The following FSIP1 variants were observed in gnomAD, a reference collection of about 807,000 sequenced individuals.
The protein encoded by FSIP1 is fibrous sheath interacting protein 1, also known as fibrous sheath-interacting protein 1.
A neutral mutation model predicts 60.9 loss-of-function variants in FSIP1; 65 were observed. The observed-to-expected ratio is 1.07, with a 90% CI of 0.87 to 1.31. The LOEUF (loss-of-function observed/expected upper bound fraction) is 1.31, where lower values mean the gene tolerates loss of function less well. Ranked by LOEUF, FSIP1 falls within the 40% of genes most tolerant of loss-of-function variation. FSIP1 has a pLI of 0.00. For missense variants in FSIP1, 675 were observed against 665.5 expected (o/e 1.01, Z -0.16); for synonymous variants, 209 against 221.2 (o/e 0.94, Z 0.49).
chr15:39,723,624 T>C (rs8024166), intron 9 of FSIP1, among the ~76,000 whole-genome samples: 12,284 of 152,288 alleles, frequency 0.081, 1,013 homozygotes, highest in Admixed American at 0.21. Flanking sequence ...CAATATGTGT[T>C]GAATCAATTG....
intron 10 of FSIP1, among the ~76,000 whole-genome samples, chr15:39,645,006 A>AT (rs1182200602): frequency 6.6e-6 from 1 of 152,262 alleles, no homozygotes; most frequent in Admixed American, 6.5e-5. Flanking sequence ...CAAAGAAGAC[A>AT]TAACAATGGC....
intron 10 of FSIP1, among the ~76,000 whole-genome samples, chr15:39,674,609 A>C (rs1893865747): frequency 6.6e-6 from 1 of 152,134 alleles, no homozygotes; most frequent in African/African-American, 2.4e-5. Flanking sequence ...GCATAACTTT[A>C]ATATATGACA....
chr15:39,676,089 C>T (rs779903922), intron 10 of FSIP1, among the ~76,000 whole-genome samples: 10 of 148,378 alleles, frequency 6.7e-5, no homozygotes, highest in Non-Finnish European at 1.3e-4. Flanking sequence ...AGAAGAATGG[C>T]GTGAACCCGG....
intron 8 of FSIP1, among the ~76,000 whole-genome samples, chr15:39,731,657 A>C (rs1013092304): frequency 6.6e-6 from 1 of 152,194 alleles, no homozygotes; most frequent in Admixed American, 6.5e-5. Context: ...ACCTCTATAC[A>C]CCCTTGCTAT....
intron 11 of FSIP1, among the ~76,000 whole-genome samples, chr15:39,610,502 C>T (rs1890988256): frequency 6.6e-6 from 1 of 152,090 alleles, no homozygotes; most frequent in Admixed American, 6.5e-5. Context: ...CCCATCTCTG[C>T]TAAAAATACA....
Position 39,706,663 on chromosome 15 carries a change from C to A in FSIP1, c.1188+6781G>T, listed in dbSNP as rs184409024. Among the ~76,000 whole-genome samples, 4 of 152,228 alleles carry A rather than the reference C, an allele frequency of 2.6e-5. No individual in the cohort carries two copies. The East Asian group carries it at 7.7e-4, about 29-fold the overall frequency. On this transcript the variant is annotated intron_variant, in intron 10 of 11. Transcript: ENST00000350221. ...AAAAGCACAAGAATAATATAAAAAT[C>A]ACCCATAATCCCAACACACTTTTCC...
chr15:39,672,257 G>A (rs550802252), intron 10 of FSIP1, among the ~76,000 whole-genome samples: 1 of 152,362 alleles, frequency 6.6e-6, no homozygotes, highest in East Asian at 1.9e-4. Flanking sequence ...AAGATGCTGA[G>A]GGTAGGGCAT....
intron 10 of FSIP1, among the ~76,000 whole-genome samples, chr15:39,701,435 T>C (rs1895055651): frequency 6.6e-6 from 1 of 152,218 alleles, no homozygotes; most frequent in Non-Finnish European, 1.5e-5. Flanking sequence ...TAACGTGCTA[T>C]TCTAGAGAAA....
At chr15:39,630,494 C>T (rs1339117544) in intron 10 of FSIP1, among the ~76,000 whole-genome samples, 1 of 152,202 alleles carries the variant, frequency 6.6e-6, no homozygotes, top group African/African-American at 2.4e-5. Flanking sequence ...GGTATCCAGA[C>T]CAGCCCAGGT....
chr15:39,684,811 C>G (rs1894300809), intron 10 of FSIP1, among the ~76,000 whole-genome samples: 1 of 152,100 alleles, frequency 6.6e-6, no homozygotes, highest in Non-Finnish European at 1.5e-5. Context: ...TGCCATATAT[C>G]CTGACACTGT....
chr15:39,751,282 A>C (rs541242701), intron 5 of FSIP1, among the ~76,000 whole-genome samples: 9 of 152,010 alleles, frequency 5.9e-5, no homozygotes, highest in Non-Finnish European at 4.4e-5. Context: ...GTATAAACGC[A>C]AAGAAAATGA....
At chr15:39,671,439 G>A (rs927381686) in intron 10 of FSIP1, among the ~76,000 whole-genome samples, 1 of 152,048 alleles carries the variant, frequency 6.6e-6, no homozygotes, top group African/African-American at 2.4e-5. Context: ...GGGAATCAGA[G>A]ACTAATTATA....
At chr15:39,765,116 A>G (rs1897635387) in intron 4 of FSIP1, among the ~76,000 whole-genome samples, 1 of 151,890 alleles carries the variant, frequency 6.6e-6, no homozygotes, top group South Asian at 2.1e-4. Context: ...ATATCACCCC[A>G]TGACTCCTTC....
intron 10 of FSIP1, among the ~76,000 whole-genome samples, chr15:39,683,611 G>T (rs1894250176): frequency 6.6e-6 from 1 of 152,148 alleles, no homozygotes; most frequent in Admixed American, 6.5e-5. Flanking sequence ...TAAAAGGCAT[G>T]CAGATTTGAA....
At chr15:39,637,333 T>G (rs1779421314) in intron 10 of FSIP1, among the ~76,000 whole-genome samples, 1 of 152,190 alleles carries the variant, frequency 6.6e-6, no homozygotes, top group Non-Finnish European at 1.5e-5. Flanking sequence ...ATGGTGGATA[T>G]TCCCACATAA....
rs142516370 is a variant in FSIP1, at chr15:39,766,909, A to G, written c.311-1163T>C. On this transcript the variant is annotated intron_variant, in intron 3 of 11. Coordinates refer to ENST00000350221, the MANE Select transcript of FSIP1 (RefSeq NM_152597.5). ...GGCTGAAGTGTGGTGGCATGATCAT[A>G]GCTCACTGCAACCTCGAACGCCTGG... 2.4e-3 allele frequency among the ~76,000 whole-genome samples: 371 copies of G among 152,278 alleles called. 3 individuals carry two copies. The highest frequency in any genetic ancestry group is 8.5e-3 in the African/African-American group (352 of 41,532).
chr15:39,656,163 G>A (rs1255686990), intron 10 of FSIP1, among the ~76,000 whole-genome samples: 2 of 152,100 alleles, frequency 1.3e-5, no homozygotes, highest in Non-Finnish European at 2.9e-5. Flanking sequence ...AGTGGAGGCT[G>A]TGAAGCCAAT....
intron 11 of FSIP1, among the ~76,000 whole-genome samples, chr15:39,613,342 T>A (rs941108339): frequency 1.3e-5 from 2 of 152,140 alleles, no homozygotes; most frequent in Non-Finnish European, 2.9e-5. Context: ...ACCTAGATAT[T>A]TTATTGGATA....
chr15:39,624,925 C>G (rs1433145763), intron 10 of FSIP1, among the ~76,000 whole-genome samples: 2 of 152,222 alleles, frequency 1.3e-5, no homozygotes, highest in African/African-American at 2.4e-5. Flanking sequence ...GAAAGTGAGT[C>G]AGCTCCCAGG....
Sources: gnomAD v4.1 joint callset for allele counts (sites outside exome capture counted in the v4.1 genomes callset) on GRCh38, gnomAD v4.1.1 for gene constraint, MANE v1.5 for transcripts, NCBI Gene and HGNC (gene_info 2026-07-23, HGNC 2026-07-21) for gene names.